The following TNFSF4 variants were observed in gnomAD, a reference collection of about 807,000 sequenced individuals.
The protein encoded by TNFSF4 is TNF superfamily member 4.
A neutral mutation model predicts 7.3 loss-of-function variants in TNFSF4; 4 were observed. The ratio of observed to expected loss-of-function variants is 0.55; its 90% CI spans 0.27 to 1.25. TNFSF4 has a LOEUF of 1.25. Among genes scored for constraint, TNFSF4 ranks in the 50% most tolerant of loss-of-function variants. The pLI, the probability that TNFSF4 is intolerant of heterozygous loss-of-function variation, is 0.12. For missense variants in TNFSF4, 181 were observed against 208.8 expected (o/e 0.87, Z 0.82); for synonymous variants, 76 against 83.7 (o/e 0.91, Z 0.50).
the TNFSF4 span, among the ~76,000 whole-genome samples, chr1:173,245,471 A>G: frequency 6.6e-6 from 1 of 152,208 alleles, no homozygotes; most frequent in Admixed American, 6.5e-5. Context: ...TTTAACTGAC[A>G]CATAATAACT....
At chr1:173,444,701 A>G in the TNFSF4 span, among the ~76,000 whole-genome samples, 1 of 152,188 alleles carries the variant, frequency 6.6e-6, no homozygotes, top group Non-Finnish European at 1.5e-5. Flanking sequence ...AGATCCTTTC[A>G]GAGAGAATAA....
the TNFSF4 span, among the ~76,000 whole-genome samples, chr1:173,364,357 G>C: frequency 2.1e-5 from 3 of 145,540 alleles, no homozygotes; most frequent in Non-Finnish European, 4.5e-5. Context: ...GGATGTATGT[G>C]TACATATATA....
At chr1:173,297,109 G>T in the TNFSF4 span, among the ~76,000 whole-genome samples, 1 of 151,906 alleles carries the variant, frequency 6.6e-6, no homozygotes, top group Non-Finnish European at 1.5e-5. Context: ...ATGTCTAGTG[G>T]GAGAGAAAGA....
At chr1:173,215,489 G>A in the TNFSF4 span, among the ~76,000 whole-genome samples, 5 of 152,094 alleles carry the variant, frequency 3.3e-5, no homozygotes, top group East Asian at 1.9e-4. Flanking sequence ...TGTTACCTTC[G>A]ATGTCCTTAT....
At chr1:173,244,481 A>C in the TNFSF4 span, among the ~76,000 whole-genome samples, 2 of 151,426 alleles carry the variant, frequency 1.3e-5, no homozygotes, top group Admixed American at 1.3e-4. Context: ...TCTCTACTAA[A>C]AATACAAAAA....
At chr1:173,370,843 G>C in the TNFSF4 span, among the ~76,000 whole-genome samples, 1 of 152,198 alleles carries the variant, frequency 6.6e-6, no homozygotes, top group Non-Finnish European at 1.5e-5. Flanking sequence ...TGGTGGTTCA[G>C]AGAGGACAGA....
chr1:173,315,758 G>A, the TNFSF4 span, among the ~76,000 whole-genome samples: 2 of 152,108 alleles, frequency 1.3e-5, no homozygotes, highest in Admixed American at 6.5e-5. Flanking sequence ...TTTTGTTGCT[G>A]TTGAGTTGTT....
chr1:173,391,167 C>T, the TNFSF4 span, among the ~76,000 whole-genome samples: 1 of 151,942 alleles, frequency 6.6e-6, no homozygotes, highest in Non-Finnish European at 1.5e-5. Context: ...CATTTCTATT[C>T]TCAGCCTTCA....
chr1:173,363,309 C>T, the TNFSF4 span: 1 of 284,540 alleles, frequency 3.5e-6, no homozygotes, highest in South Asian at 3.9e-5. Context: ...ACATGTATTC[C>T]AATTGTTTTC....
chr1:173,230,784 G>C, the TNFSF4 span, among the ~76,000 whole-genome samples: 1 of 152,174 alleles, frequency 6.6e-6, no homozygotes, highest in Non-Finnish European at 1.5e-5. Context: ...ACTACCTTCA[G>C]AGAATACTAT....
the TNFSF4 span, among the ~76,000 whole-genome samples, chr1:173,382,978 A>G: frequency 1.3e-5 from 2 of 152,156 alleles, no homozygotes; most frequent in South Asian, 2.1e-4. Flanking sequence ...ATCAATGGCA[A>G]TTATCTTTTT....
the TNFSF4 span, among the ~76,000 whole-genome samples, chr1:173,279,016 A>G: frequency 6.6e-6 from 1 of 152,096 alleles, no homozygotes; most frequent in Non-Finnish European, 1.5e-5. Context: ...CTACTTGTCC[A>G]GTGGGCATAA....
the TNFSF4 span, among the ~76,000 whole-genome samples, chr1:173,244,660 A>AAC: frequency 1.3e-5 from 2 of 150,720 alleles, no homozygotes; most frequent in African/African-American, 4.9e-5. Flanking sequence ...ACAAAAAACA[A>AAC]AAAAAACAAA....
chr1:173,216,821 A>C, the TNFSF4 span, among the ~76,000 whole-genome samples: 2 of 152,230 alleles, frequency 1.3e-5, no homozygotes, highest in Admixed American at 1.3e-4. Context: ...AAATTGGCTC[A>C]GGGAATTACT....
the TNFSF4 span, among the ~76,000 whole-genome samples, chr1:173,389,886 C>T: frequency 6.6e-6 from 1 of 152,014 alleles, no homozygotes; most frequent in African/African-American, 2.4e-5. Context: ...ATTTGTTGAG[C>T]TTTGTTTCTC....
At chr1:173,329,385 A>G in the TNFSF4 span, among the ~76,000 whole-genome samples, 1 of 152,214 alleles carries the variant, frequency 6.6e-6, no homozygotes, top group Non-Finnish European at 1.5e-5. Context: ...ATGACAAGGA[A>G]AAATAGCCTG....
At chr1:173,345,316 C>T in the TNFSF4 span, among the ~76,000 whole-genome samples, 1 of 152,162 alleles carries the variant, frequency 6.6e-6, no homozygotes, top group Non-Finnish European at 1.5e-5. Flanking sequence ...TGTTTGCCAT[C>T]AAGTGTTTTA....
At chr1:173,367,200 C>A in the TNFSF4 span, among the ~76,000 whole-genome samples, 2 of 152,232 alleles carry the variant, frequency 1.3e-5, no homozygotes, top group African/African-American at 4.8e-5. Flanking sequence ...CACACTCTCA[C>A]GACTGCAAGG....
At chr1:173,429,488 C>T in the TNFSF4 span, among the ~76,000 whole-genome samples, 1,300 of 152,306 alleles carry the variant, frequency 8.5e-3, 18 homozygotes, top group African/African-American at 0.03. Context: ...GAGGGGACCC[C>T]GTCCTTTGTT....
Sources: allele counts gnomAD v4.1 joint callset (sites outside exome capture counted in the v4.1 genomes callset), GRCh38; gene constraint gnomAD v4.1.1; transcripts MANE v1.5; gene names NCBI Gene and HGNC (gene_info 2026-07-23, HGNC 2026-07-21).